Variants in GARNL3 observed in about 807,000 individuals in gnomAD.
GARNL3 encodes GTPase-activating Rap/Ran-GAP domain-like protein 3.
A neutral mutation model predicts 125.0 loss-of-function variants in GARNL3; 63 were observed. That is an observed-to-expected ratio of 0.50 (90% CI 0.41 to 0.62). The LOEUF (loss-of-function observed/expected upper bound fraction) is 0.62, where lower values mean the gene tolerates loss of function less well. GARNL3 is among the 20% of genes least tolerant of loss of function. GARNL3 has a pLI of 0.00. For missense variants in GARNL3, 994 were observed against 1,244.0 expected (o/e 0.80, Z 3.02); for synonymous variants, 439 against 457.5 (o/e 0.96, Z 0.52).
chr9:127,263,794 C>T (rs369898301), upstream of GARNL3: 64 of 1,250,416 alleles, frequency 5.1e-5, no homozygotes, highest in East Asian at 1.6e-3. Flanking sequence ...TTAATTCAGC[C>T]ATCTCTGTGA....
At chr9:127,282,374 T>C (rs1031479152) in intron 1 of GARNL3, among the ~76,000 whole-genome samples, 2 of 152,206 alleles carry the variant, frequency 1.3e-5, no homozygotes, top group African/African-American at 4.8e-5. Context: ...TGAGCACTTA[T>C]TATGTCCAGG....
intron 22 of GARNL3, among the ~76,000 whole-genome samples, chr9:127,378,125 CA>C (rs1832027181): frequency 6.6e-6 from 1 of 151,636 alleles, no homozygotes; most frequent in Non-Finnish European, 1.5e-5. Context: ...CTTGTAATCC[CA>C]GCTACTCAGG....
At chr9:127,263,660 T>C (rs112367328), upstream of GARNL3, 1,242 of 1,062,376 alleles carry the variant, frequency 1.2e-3, 2 homozygotes, top group Middle Eastern at 0.014. Flanking sequence ...GAAAATCATA[T>C]CACTAGAAGC....
intron 22 of GARNL3, among the ~76,000 whole-genome samples, chr9:127,368,433 C>T (rs1426317276): frequency 6.6e-6 from 1 of 151,198 alleles, no homozygotes; most frequent in East Asian, 2.0e-4. Flanking sequence ...CAAGTTCAAG[C>T]AATTCTCCCG....
chr9:127,261,256 C>CA (rs573607555), upstream of GARNL3, among the ~76,000 whole-genome samples: 3 of 150,916 alleles, frequency 2.0e-5, no homozygotes, highest in Non-Finnish European at 3.0e-5. Flanking sequence ...AACTCTGTCT[C>CA]AAAAAAAAGA....
intron 26 of GARNL3, among the ~76,000 whole-genome samples, chr9:127,389,651 G>A (rs941607442): frequency 2.6e-5 from 4 of 152,142 alleles, no homozygotes; most frequent in Non-Finnish European, 4.4e-5. Context: ...ATGGGACTGG[G>A]CTCACACCTG....
intron 1 of GARNL3, among the ~76,000 whole-genome samples, chr9:127,235,809 C>T (rs77103698): frequency 6.6e-6 from 1 of 152,164 alleles, no homozygotes; most frequent in Non-Finnish European, 1.5e-5. Context: ...GTGAAAATCT[C>T]ACTGGACTGG....
At chr9:127,306,684 G>C (rs904567375) in intron 2 of GARNL3, among the ~76,000 whole-genome samples, 3 of 150,228 alleles carry the variant, frequency 2.0e-5, no homozygotes, top group African/African-American at 7.4e-5. Context: ...TCTAGATCGC[G>C]CCACTCTACT....
At chr9:127,252,487 G>A (rs1469064641) in intron 2 of GARNL3, among the ~76,000 whole-genome samples, 2 of 152,142 alleles carry the variant, frequency 1.3e-5, no homozygotes, top group South Asian at 2.1e-4. Context: ...AAGGCACTAT[G>A]ATGATAAATA....
intron 2 of GARNL3, among the ~76,000 whole-genome samples, chr9:127,248,994 A>C (rs1387959737): frequency 1.3e-5 from 2 of 152,054 alleles, no homozygotes; most frequent in Non-Finnish European, 2.9e-5. Context: ...GTTTATTAAT[A>C]AGTTCCCAAA....
chr9:127,388,261 A>G lies in GARNL3; in HGVS notation c.2528-643A>G, dbSNP rs1832651109. Among the ~76,000 whole-genome samples the G allele has an allele frequency of 5.9e-5, 9 of 152,036 alleles. No homozygotes were observed. In the South Asian group the frequency reaches 1.9e-3, roughly 32 times the overall value. On this transcript the variant is annotated intron_variant, in intron 25 of 27. Transcript: ENST00000373387. ...AGCCTGGGAGGTCAAGGCTGCAGTA[A>G]GTCATGATTGCATCATTGCACTCCA...
chr9:127,313,289 C>A, intron 3 of GARNL3, 152 bp from the exon 4 acceptor site: 3 of 676,800 alleles, frequency 4.4e-6, no homozygotes, highest in East Asian at 2.5e-5. Flanking sequence ...TACATGATCC[C>A]CCGAGAGAGA....
intron 4 of GARNL3, among the ~76,000 whole-genome samples, chr9:127,317,827 C>G (rs76782511): frequency 0.025 from 3,796 of 152,252 alleles, 162 homozygotes; most frequent in African/African-American, 0.088. Context: ...ACACTGAAGA[C>G]CTGTATGTTG....
At position 127,275,260 on chromosome 9, in the gene GARNL3, A is replaced by C. The variant is rs536722477; in HGVS notation, c.144+10239A>C. ...CATAGAGTTTGAAAACCACTCTTTT[A>C]CCTCTTTGGGGCTGTTAAAGATGAA... On this transcript the variant is annotated intron_variant, in intron 1 of 27. Transcript: ENST00000373387. 6.6e-5 allele frequency among the ~76,000 whole-genome samples: 10 copies of C among 152,250 alleles called. No homozygotes were observed. In the East Asian group the frequency reaches 1.4e-3, roughly 21 times the overall value.
chr9:127,298,613 T>C (rs898882787), intron 2 of GARNL3, among the ~76,000 whole-genome samples: 5 of 152,224 alleles, frequency 3.3e-5, no homozygotes, highest in African/African-American at 1.2e-4. Flanking sequence ...ATATTATAAA[T>C]AATATTGTAA....
intron 2 of GARNL3, among the ~76,000 whole-genome samples, chr9:127,244,009 T>G (rs1340950789): frequency 6.6e-6 from 1 of 152,230 alleles, no homozygotes; most frequent in African/African-American, 2.4e-5. Flanking sequence ...TGTATGCTTG[T>G]TTACTGTACC....
intron 1 of GARNL3, among the ~76,000 whole-genome samples, chr9:127,273,898 G>A (rs1019278394): frequency 1.3e-5 from 2 of 152,030 alleles, no homozygotes; most frequent in South Asian, 4.1e-4. Context: ...TCCATTTGTG[G>A]CTTATCTCTA....
intron 14 of GARNL3, among the ~76,000 whole-genome samples, chr9:127,342,651 G>C (rs781130413): frequency 1.3e-5 from 2 of 152,212 alleles, no homozygotes; most frequent in South Asian, 4.2e-4. Context: ...TTTTGGGGTG[G>C]CTGTTCTTGG....
chr9:127,321,974 A>G (rs551445261), intron 6 of GARNL3, among the ~76,000 whole-genome samples: 1 of 152,336 alleles, frequency 6.6e-6, no homozygotes, highest in African/African-American at 2.4e-5. Context: ...GCTTACCCCA[A>G]ATATAGAGAG....
Sources: gnomAD v4.1 joint callset for allele counts (sites outside exome capture counted in the v4.1 genomes callset) on GRCh38, gnomAD v4.1.1 for gene constraint, MANE v1.5 for transcripts, NCBI Gene and HGNC (gene_info 2026-07-23, HGNC 2026-07-21) for gene names.